The following EGFLAM variants were observed in gnomAD, a reference collection of about 807,000 sequenced individuals.
EGFLAM encodes pikachurin.
A neutral mutation model predicts 113.1 loss-of-function variants in EGFLAM; 79 were observed. That is an observed-to-expected ratio of 0.70 (90% CI 0.58 to 0.84). The LOEUF is 0.84. Ranked by LOEUF, EGFLAM falls within the 40% of genes least tolerant of loss-of-function variation. The pLI, the probability that EGFLAM is intolerant of heterozygous loss-of-function variation, is 0.00. For missense variants in EGFLAM, 1,265 were observed against 1,291.6 expected (o/e 0.98, Z 0.32); for synonymous variants, 504 against 487.6 (o/e 1.03, Z -0.44).
At chr5:38,293,244 G>C (rs1461161419) in intron 1 of EGFLAM, among the ~76,000 whole-genome samples, 2 of 152,182 alleles carry the variant, frequency 1.3e-5, no homozygotes, top group Non-Finnish European at 2.9e-5. Flanking sequence ...GAAAACATGG[G>C]CTTGAGTTCC....
intron 6 of EGFLAM, among the ~76,000 whole-genome samples, chr5:38,397,152 C>T (rs1264751370): frequency 6.6e-6 from 1 of 152,202 alleles, no homozygotes. Flanking sequence ...TTTCATGAAA[C>T]GTGCTGAGCA....
intron 1 of EGFLAM, among the ~76,000 whole-genome samples, chr5:38,326,212 A>G (rs1429057546): frequency 6.6e-6 from 1 of 152,148 alleles, no homozygotes; most frequent in African/African-American, 2.4e-5. Flanking sequence ...TCTGGCTTCC[A>G]CTGCTATGAT....
intron 5 of EGFLAM, among the ~76,000 whole-genome samples, chr5:38,356,799 T>C (rs542046206): frequency 6.6e-6 from 1 of 152,340 alleles, no homozygotes; most frequent in Admixed American, 6.5e-5. Flanking sequence ...GGTGAGTGAA[T>C]GTATGTTCAG....
At chr5:38,280,877 T>C (rs1341197401) in intron 1 of EGFLAM, among the ~76,000 whole-genome samples, 6 of 152,218 alleles carry the variant, frequency 3.9e-5, no homozygotes, top group Non-Finnish European at 7.3e-5. Context: ...TTGTGTTTAG[T>C]TTGCATTCAG....
intron 1 of EGFLAM, among the ~76,000 whole-genome samples, chr5:38,273,404 A>G (rs1380736145): frequency 6.6e-6 from 1 of 152,244 alleles, no homozygotes; most frequent in East Asian, 1.9e-4. Context: ...GGCCAACTAC[A>G]GAGGCTTTGG....
At chr5:38,349,193 A>G (rs576294458) in intron 3 of EGFLAM, among the ~76,000 whole-genome samples, 2 of 152,332 alleles carry the variant, frequency 1.3e-5, no homozygotes, top group South Asian at 4.1e-4. Context: ...GTTGCTTATA[A>G]TCCCATAAGA....
Position 38,438,409 on chromosome 5 carries a change from T to G in EGFLAM, c.2418T>G (p.Tyr806Ter). ...GGSCRPRKEG[Y>*]DCDCPLGFEG... Reference sequence around the variant, plus strand: ...GCTGCCGGCCCAGGAAGGAGGGCTATGACTGTGACTGCCCCTTGGGCTTTG... The same window carrying G: ...GCTGCCGGCCCAGGAAGGAGGGCTAGGACTGTGACTGCCCCTTGGGCTTTG... The change falls in exon 17 of 22, where the codon TAT becomes TAG. Residue 806 changes from tyrosine (Y) to a stop codon, truncating the protein, a stop_gained. Transcript: ENST00000322350. LOFTEE classifies it high-confidence loss of function. The G allele has an allele frequency of 6.2e-7, 1 of 1,613,788 alleles. No individual in the cohort carries two copies. The highest frequency in any genetic ancestry group is 8.5e-7 in the Non-Finnish European group (1 of 1,179,848).
chr5:38,389,796 CCCT>C (rs1314055869), intron 6 of EGFLAM, among the ~76,000 whole-genome samples: 3 of 152,028 alleles, frequency 2.0e-5, no homozygotes, highest in Non-Finnish European at 2.9e-5. Flanking sequence ...ACATAATTTT[CCCT>C]CCTATTTTTA....
rs748027000 is a variant in EGFLAM at position 38,338,687 on chromosome 5, A to G, written c.208-11A>G. The G allele has an allele frequency of 6.2e-7, 1 of 1,614,084 alleles. No homozygotes were observed. The highest frequency in any genetic ancestry group is 8.5e-7 in the Non-Finnish European group (1 of 1,179,906). ...GCTCTGCTCTCACCAGGGTGTCTGC[A>G]TCTTTTCAAGGTCTTTTACTCTGAG... On this transcript the variant is annotated splice_polypyrimidine_tract_variant and intron_variant, in intron 2 of 21. Coordinates refer to ENST00000322350, the MANE Select transcript of EGFLAM (RefSeq NM_152403.4).
intron 17 of EGFLAM, among the ~76,000 whole-genome samples, chr5:38,440,044 T>G (rs1742483954): frequency 6.6e-6 from 1 of 152,208 alleles, no homozygotes; most frequent in Admixed American, 6.5e-5. Context: ...TGCTCACATT[T>G]ATAGCTTTGT....
At chr5:38,354,669 G>T (rs1739719257) in intron 5 of EGFLAM, among the ~76,000 whole-genome samples, 2 of 152,256 alleles carry the variant, frequency 1.3e-5, no homozygotes, top group South Asian at 4.2e-4. Flanking sequence ...GGCAGAGGTT[G>T]CAGTGAGCCG....
chr5:38,448,248 A>T, intron 17 of EGFLAM, 53 bp from the exon 18 acceptor site: 5 of 1,586,336 alleles, frequency 3.2e-6, no homozygotes, highest in Non-Finnish European at 4.3e-6. Context: ...GTGTGAGTGC[A>T]GGGGTCAAGA....
intron 11 of EGFLAM, among the ~76,000 whole-genome samples, chr5:38,416,448 G>A (rs1425448518): frequency 6.6e-6 from 1 of 152,144 alleles, no homozygotes; most frequent in Non-Finnish European, 1.5e-5. Flanking sequence ...AACTGTTAAG[G>A]GCTGTCCTGG....
chr5:38,329,088 C>T (rs900527515), intron 1 of EGFLAM, among the ~76,000 whole-genome samples: 2 of 151,936 alleles, frequency 1.3e-5, no homozygotes, highest in Non-Finnish European at 2.9e-5. Flanking sequence ...ATTTTAAGAC[C>T]AGCCTGGGTA....
At chr5:38,281,782 C>A (rs1326462975) in intron 1 of EGFLAM, among the ~76,000 whole-genome samples, 4 of 152,186 alleles carry the variant, frequency 2.6e-5, no homozygotes, top group Non-Finnish European at 5.9e-5. Flanking sequence ...ACAAGACTTG[C>A]AGATTCTGTA....
intron 17 of EGFLAM, among the ~76,000 whole-genome samples, chr5:38,442,841 C>T (rs1037639022): frequency 2.6e-5 from 4 of 152,208 alleles, no homozygotes; most frequent in African/African-American, 9.6e-5. Flanking sequence ...AGGTACATTC[C>T]TTGTCAGTCA....
At chr5:38,344,267 C>A (rs572633291) in intron 3 of EGFLAM, among the ~76,000 whole-genome samples, 60 of 152,284 alleles carry the variant, frequency 3.9e-4, no homozygotes, top group Non-Finnish European at 5.6e-4. Flanking sequence ...GGGCAGATCA[C>A]CTGAGGTCAG....
chr5:38,370,544 C>T (rs573695340), intron 6 of EGFLAM, 82 bp downstream of exon 6: 37 of 1,484,814 alleles, frequency 2.5e-5, no homozygotes, highest in African/African-American at 2.4e-4. Flanking sequence ...ACCTGGATGC[C>T]GTGCAGAAGG....
intron 1 of EGFLAM, among the ~76,000 whole-genome samples, chr5:38,274,576 T>A (rs377541932): frequency 6.6e-6 from 1 of 151,728 alleles, no homozygotes; most frequent in East Asian, 1.9e-4. Flanking sequence ...GAGAAAAAAC[T>A]GCCAACCAAG....
Sources: allele counts gnomAD v4.1 joint callset (sites outside exome capture counted in the v4.1 genomes callset), GRCh38; gene constraint gnomAD v4.1.1; transcripts MANE v1.5; gene names NCBI Gene and HGNC (gene_info 2026-07-23, HGNC 2026-07-21).